FBXL20: variants seen among roughly 807,000 people sequenced by gnomAD.
The protein encoded by FBXL20 is F-box/LRR-repeat protein 20.
FBXL20 carries 11 observed loss-of-function variants against 64.0 expected under a neutral mutation model. The observed-to-expected ratio is 0.17, with a 90% CI of 0.11 to 0.28. FBXL20 has a LOEUF of 0.28. FBXL20 is among the 10% of genes least tolerant of loss of function. The probability of loss-of-function intolerance (pLI) is 1.00; values close to 1 mark genes in which losing one functional copy is unlikely to be tolerated. For missense variants in FBXL20, 303 were observed against 526.2 expected (o/e 0.58, Z 4.15); for synonymous variants, 184 against 189.0 (o/e 0.97, Z 0.22).
intron 1 of FBXL20, among the ~76,000 whole-genome samples, chr17:39,398,561 G>C (rs991451876): frequency 6.6e-6 from 1 of 152,086 alleles, no homozygotes; most frequent in Non-Finnish European, 1.5e-5. Context: ...AGAAAAACAT[G>C]AATTTTCACA....
chr17:39,366,473 A>G (rs2047860810), intron 1 of FBXL20, among the ~76,000 whole-genome samples: 1 of 152,182 alleles, frequency 6.6e-6, no homozygotes, highest in Non-Finnish European at 1.5e-5. Context: ...GCTCTCCAGT[A>G]GCTCTTCTCT....
intron 2 of FBXL20, among the ~76,000 whole-genome samples, chr17:39,337,523 A>G (rs1181616597): frequency 7.4e-6 from 1 of 134,858 alleles, no homozygotes; most frequent in Non-Finnish European, 1.6e-5. Context: ...CCGGCCGCCC[A>G]TCGTCTGAGA....
chr17:39,353,828 G>A (rs2144596449), intron 1 of FBXL20, among the ~76,000 whole-genome samples: 1 of 151,998 alleles, frequency 6.6e-6, no homozygotes, highest in Admixed American at 6.6e-5. Flanking sequence ...TCATCATATT[G>A]GCCAGGATGG....
At chr17:39,326,882 CTTTT>C (rs904426291) in intron 2 of FBXL20, among the ~76,000 whole-genome samples, 2 of 131,158 alleles carry the variant, frequency 1.5e-5, no homozygotes, top group Non-Finnish European at 1.6e-5. Context: ...CCTGTCTTGG[CTTTT>C]TTTTTTTTTT....
intron 8 of FBXL20, 62 bp from the exon 9 acceptor site, chr17:39,281,525 T>G: frequency 7.0e-7 from 1 of 1,420,618 alleles, no homozygotes; most frequent in South Asian, 1.2e-5. Context: ...GAAAGAGATT[T>G]AAGAATGTAC....
At chr17:39,309,668 GGT>G (rs909189359) in intron 2 of FBXL20, among the ~76,000 whole-genome samples, 1 of 151,734 alleles carries the variant, frequency 6.6e-6, no homozygotes, top group Non-Finnish European at 1.5e-5. Context: ...CAGGCGTGGT[GGT>G]GTACGCTGTA....
intron 1 of FBXL20, among the ~76,000 whole-genome samples, chr17:39,392,706 T>C (rs992271218): frequency 6.6e-6 from 1 of 151,948 alleles, no homozygotes; most frequent in Non-Finnish European, 1.5e-5. Flanking sequence ...GGTATCTTAT[T>C]ATCACAAATT....
chr17:39,283,090 A>T (rs894220180), intron 7 of FBXL20, among the ~76,000 whole-genome samples: 1 of 152,174 alleles, frequency 6.6e-6, no homozygotes, highest in Admixed American at 6.5e-5. Flanking sequence ...AAGCATTATA[A>T]TGTTTTTCAG....
chr17:39,287,968 C>CTTTT (rs34161800), intron 6 of FBXL20, among the ~76,000 whole-genome samples: 12 of 123,838 alleles, frequency 9.7e-5, no homozygotes, highest in African/African-American at 1.6e-4. Context: ...GTAATGAAAA[C>CTTTT]TTTTTTTTTT....
At chr17:39,391,024 C>T (rs982311107) in intron 1 of FBXL20, among the ~76,000 whole-genome samples, 6 of 152,148 alleles carry the variant, frequency 3.9e-5, no homozygotes, top group Non-Finnish European at 7.3e-5. Flanking sequence ...GCTTGTGCGA[C>T]AGAGCAAGGC....
At chr17:39,265,371 CAT>C in intron 13 of FBXL20, 24 bp downstream of exon 13, 1 of 1,581,942 alleles carries the variant, frequency 6.3e-7, no homozygotes, top group South Asian at 1.1e-5. Context: ...CCAGTAAACA[CAT>C]AAAGTTTTCA....
intron 1 of FBXL20, among the ~76,000 whole-genome samples, chr17:39,363,827 C>CAAAAAAAAAAAAACAAAAAA (rs1555612706): frequency 7.7e-5 from 6 of 78,018 alleles, no homozygotes; most frequent in Admixed American, 1.7e-4. Flanking sequence ...AAAAAAAAAA[C>CAAAAAAAAAAAAACAAAAAA]AAAAAACAAA....
intron 10 of FBXL20, among the ~76,000 whole-genome samples, chr17:39,271,979 T>G (rs1192666261): frequency 2.0e-5 from 3 of 152,184 alleles, no homozygotes; most frequent in Admixed American, 6.5e-5. Context: ...CGGGGTGCGG[T>G]GGCTCACACC....
chr17:39,387,273 T>G (rs1486520814), intron 1 of FBXL20, among the ~76,000 whole-genome samples: 2 of 148,076 alleles, frequency 1.4e-5, no homozygotes, highest in Non-Finnish European at 3.0e-5. Flanking sequence ...GTGTATTAAC[T>G]GCACTTTTTT....
intron 9 of FBXL20, among the ~76,000 whole-genome samples, chr17:39,277,860 T>C (rs574451870): frequency 4.5e-4 from 68 of 152,220 alleles, no homozygotes; most frequent in African/African-American, 1.5e-3. Flanking sequence ...CTCAATAATT[T>C]TGGGCAGAGC....
chr17:39,319,156 GGA>G (rs2047325341), intron 2 of FBXL20, among the ~76,000 whole-genome samples: 1 of 151,182 alleles, frequency 6.6e-6, no homozygotes, highest in Admixed American at 6.6e-5. Context: ...GGCTGAGGCA[GGA>G]GAATCGCTTG....
At chr17:39,392,691 C>T (rs921442280) in intron 1 of FBXL20, among the ~76,000 whole-genome samples, 1 of 151,958 alleles carries the variant, frequency 6.6e-6, no homozygotes, top group Non-Finnish European at 1.5e-5. Flanking sequence ...AATAGCTATA[C>T]GTATGGTATC....
At chr17:39,320,259 T>G (rs985231558) in intron 2 of FBXL20, among the ~76,000 whole-genome samples, 1 of 127,008 alleles carries the variant, frequency 7.9e-6, no homozygotes, top group Non-Finnish European at 1.6e-5. Context: ...CAACTTAAAT[T>G]TTTTTGGTAT....
At chr17:39,401,827 G>A, upstream of FBXL20, 2 of 605,844 alleles carry the variant, frequency 3.3e-6, no homozygotes, top group Non-Finnish European at 4.4e-6. Context: ...GCCGGTGCGC[G>A]GCGGCGGCAC....
Sources: allele counts gnomAD v4.1 joint callset (sites outside exome capture counted in the v4.1 genomes callset), GRCh38; gene constraint gnomAD v4.1.1; transcripts MANE v1.5; gene names NCBI Gene and HGNC (gene_info 2026-07-23, HGNC 2026-07-21).